The following IHO1 variants were observed in gnomAD, a reference collection of about 807,000 sequenced individuals.
IHO1 encodes interactor of HORMAD1 1.
A neutral mutation model predicts 31.0 loss-of-function variants in IHO1; 13 were observed. The ratio of observed to expected loss-of-function variants is 0.42; its 90% CI spans 0.27 to 0.67. The LOEUF is 0.67. Among genes scored for constraint, IHO1 ranks in the 30% least tolerant of loss-of-function variants. IHO1 has a pLI of 0.24. For missense variants in IHO1, 599 were observed against 687.5 expected (o/e 0.87, Z 1.44); for synonymous variants, 221 against 248.4 (o/e 0.89, Z 1.04).
At chr3:49,214,832 G>A (rs1434845125) in intron 2 of IHO1, among the ~76,000 whole-genome samples, 2 of 150,112 alleles carry the variant, frequency 1.3e-5, no homozygotes, top group African/African-American at 4.9e-5. Flanking sequence ...TAGAGACAGG[G>A]TTTCACCATG....
At chr3:49,201,777 G>A (rs1474229581) in intron 1 of IHO1, among the ~76,000 whole-genome samples, 2 of 152,062 alleles carry the variant, frequency 1.3e-5, no homozygotes, top group African/African-American at 4.8e-5. Flanking sequence ...AATTAGCCAG[G>A]TATGATGGCG....
chr3:49,222,941 G>T (rs1399862312), intron 2 of IHO1, among the ~76,000 whole-genome samples: 1 of 152,098 alleles, frequency 6.6e-6, no homozygotes, highest in African/African-American at 2.4e-5. Flanking sequence ...TACCGAGTAT[G>T]GTCCTTCCTA....
intron 3 of IHO1, among the ~76,000 whole-genome samples, chr3:49,239,403 T>G (rs2046600359): frequency 6.6e-6 from 1 of 151,854 alleles, no homozygotes; most frequent in African/African-American, 2.4e-5. Flanking sequence ...TGCCTCAGTC[T>G]CCTGAGTAGA....
rs1268746636 is a variant in IHO1 at position 49,236,528 on chromosome 3, T to G, written c.57-20T>G. 6.5e-7 allele frequency: 1 copy of G among 1,533,068 alleles called. No homozygotes were observed. The highest frequency in any genetic ancestry group is 2.3e-5 in the East Asian group (1 of 44,078). 95.0% of individuals were successfully genotyped at this position (1,533,068 alleles called of 1,614,324 possible). ...CAGGATATTTGTCTATTTGATACACTTTTTTTTGCTAAATTTCAGGAACAA... is the reference window on the plus strand; with the variant it reads ...CAGGATATTTGTCTATTTGATACACGTTTTTTTGCTAAATTTCAGGAACAA... On this transcript the variant is annotated intron_variant, in intron 2 of 7. Coordinates refer to ENST00000452691, the MANE Select transcript of IHO1 (RefSeq NM_001135197.2).
At chr3:49,210,177 T>A (rs566829026) in intron 1 of IHO1, among the ~76,000 whole-genome samples, 1 of 152,130 alleles carries the variant, frequency 6.6e-6, no homozygotes, top group African/African-American at 2.4e-5. Flanking sequence ...TACAGGTGTA[T>A]GTTGCCATGC....
chr3:49,236,218 A>G (rs1034314231), intron 2 of IHO1, among the ~76,000 whole-genome samples: 8 of 151,922 alleles, frequency 5.3e-5, no homozygotes, highest in African/African-American at 1.9e-4. Flanking sequence ...CAAAACAATA[A>G]AATAAAATGA....
chr3:49,199,767 C>G (rs1318265140), intron 1 of IHO1, 194 bp downstream of exon 1: 1 of 152,330 alleles, frequency 6.6e-6, no homozygotes, highest in Non-Finnish European at 1.5e-5. Flanking sequence ...TTGAAGGAGG[C>G]TTCACTTCCG....
In IHO1 at chr3:49,256,823, G is replaced by A. The variant is rs771935335; in HGVS notation, c.1326G>A (p.Lys442=). The A allele has an allele frequency of 6.2e-7, 1 of 1,614,158 alleles. No homozygotes were observed. Among genetic ancestry groups the A allele is most frequent in the South Asian group, 1.1e-5 (1 of 91,080 alleles). The change falls in exon 8 of 8, where the codon AAG becomes AAA. Residue 442 remains lysine (K), a synonymous_variant. Coordinates refer to ENST00000452691, the MANE Select transcript of IHO1 (RefSeq NM_001135197.2). The surrounding 1 kb of genome is among the most constrained non-coding windows in gnomAD (Gnocchi z 4.6). ...GTVEMRGKDK[K]QQPRKAHRAH... Reference sequence around the variant, plus strand: ...TAGAAATGCGGGGGAAAGACAAGAAGCAGCAGCCCAGGAAGGCCCACAGGG... The same window carrying A: ...TAGAAATGCGGGGGAAAGACAAGAAACAGCAGCCCAGGAAGGCCCACAGGG...
At chr3:49,233,664 C>T (rs1056560177) in intron 2 of IHO1, among the ~76,000 whole-genome samples, 1 of 152,198 alleles carries the variant, frequency 6.6e-6, no homozygotes, top group Non-Finnish European at 1.5e-5. Context: ...TTGCTTTTAT[C>T]GTTTTGCAAA....
At chr3:49,199,243 C>T, upstream of IHO1, 1 of 152,714 alleles carries the variant, frequency 6.5e-6, no homozygotes, top group Non-Finnish European at 1.5e-5. Context: ...GGCAGCTTGG[C>T]GGGGCCCACA....
chr3:49,195,414 T>TC (rs2045990986), upstream of IHO1, among the ~76,000 whole-genome samples: 1 of 135,588 alleles, frequency 7.4e-6, no homozygotes, highest in African/African-American at 2.8e-5. Context: ...AGAGCAAGAC[T>TC]CCATCTCAAA....
chr3:49,203,968 C>T (rs758210329), intron 1 of IHO1, among the ~76,000 whole-genome samples: 2 of 152,046 alleles, frequency 1.3e-5, no homozygotes, highest in Non-Finnish European at 1.5e-5. Context: ...TGTCTTAGTC[C>T]GTTTTGTGTT....
intron 6 of IHO1, among the ~76,000 whole-genome samples, chr3:49,253,026 T>A (rs2046779099): frequency 6.7e-6 from 1 of 150,214 alleles, no homozygotes; most frequent in Non-Finnish European, 1.5e-5. Context: ...GGCAATAGAA[T>A]GAGACTCAGT....
chr3:49,193,655 C>CA (rs71077770), upstream of IHO1, among the ~76,000 whole-genome samples: 17,465 of 25,010 alleles, frequency 0.7, 7,546 homozygotes, highest in East Asian at 0.93. Flanking sequence ...GAGACTCTAC[C>CA]AAAAAAAAAA....
chr3:49,210,906 C>T (rs1268422237), intron 1 of IHO1, among the ~76,000 whole-genome samples: 1 of 151,602 alleles, frequency 6.6e-6, no homozygotes, highest in African/African-American at 2.4e-5. Flanking sequence ...CCATGTTAGC[C>T]AGGATGGTCT....
chr3:49,256,938 G>T lies in IHO1; in HGVS notation c.1441G>T (p.Ala481Ser). Reference protein sequence around the residue: ...FNSKYQSPQPAISVPQSPFLG... With the variant: ...FNSKYQSPQPSISVPQSPFLG... ...TTCCAAATATCAGAGTCCTCAGCCTGCAATTTCTGTCCCTCAAAGCCCCTT... is the reference window on the plus strand; with the variant it reads ...TTCCAAATATCAGAGTCCTCAGCCTTCAATTTCTGTCCCTCAAAGCCCCTT... The change falls in exon 8 of 8, where the codon GCA (alanine) becomes TCA (serine). Residue 481 changes from alanine (A) to serine (S), a missense_variant. Ala to Ser is a moderately conservative substitution (Grantham distance 99, BLOSUM62 1). Coordinates refer to ENST00000452691, the MANE Select transcript of IHO1 (RefSeq NM_001135197.2). The surrounding 1 kb of genome is among the most constrained non-coding windows in gnomAD (Gnocchi z 4.6). The T allele has an allele frequency of 1.2e-6, 2 of 1,614,182 alleles. No individual in the cohort carries two copies. Among genetic ancestry groups the T allele is most frequent in the Non-Finnish European group, 1.7e-6 (2 of 1,180,028 alleles).
At chr3:49,209,460 C>T (rs894172174) in intron 1 of IHO1, among the ~76,000 whole-genome samples, 2 of 151,586 alleles carry the variant, frequency 1.3e-5, no homozygotes, top group Non-Finnish European at 2.9e-5. Context: ...ATGGTGAGAC[C>T]CTGTCTCTAC....
chr3:49,210,525 T>G (rs577735610), intron 1 of IHO1, among the ~76,000 whole-genome samples: 27 of 149,210 alleles, frequency 1.8e-4, no homozygotes, highest in Admixed American at 5.4e-4. Flanking sequence ...ACCTCCTGAG[T>G]AGCTGGGATT....
In IHO1 at chr3:49,211,779, A is replaced by G; in HGVS notation, c.-2A>G. 1.3e-6 allele frequency: 2 copies of G among 1,508,388 alleles called. No individual in the cohort carries two copies. Among genetic ancestry groups the G allele is most frequent in the Non-Finnish European group, 1.8e-6 (2 of 1,084,434 alleles). 93.4% of individuals were successfully genotyped at this position (1,508,388 alleles called of 1,614,324 possible). A position where few individuals can be genotyped will look rare whatever the true frequency, so the allele number is the denominator to read the frequency against. ...TCTTTCTAATAGGTATAACTATAAG[A>G]AATGAATTTTAATGTCTGGAATATC... is the stretch of plus-strand genomic sequence containing the variant. On this transcript the variant is annotated 5_prime_UTR_variant, in exon 2 of 8. Transcript: ENST00000452691.
Sources: allele counts gnomAD v4.1 joint callset (sites outside exome capture counted in the v4.1 genomes callset), GRCh38; gene constraint gnomAD v4.1.1; non-coding constraint Gnocchi (gnomAD v3.1); transcripts MANE v1.5; gene names NCBI Gene and HGNC (gene_info 2026-07-23, HGNC 2026-07-21).